IFT88: variants seen among roughly 807,000 people sequenced by gnomAD.
IFT88 encodes the protein intraflagellar transport 88.
IFT88 carries 74 observed loss-of-function variants against 119.5 expected under a neutral mutation model. The ratio of observed to expected loss-of-function variants is 0.62; its 90% CI spans 0.51 to 0.75. IFT88 has a LOEUF of 0.75. Ranked by LOEUF, IFT88 falls within the 30% of genes least tolerant of loss-of-function variation. The pLI is 0.00. For synonymous variants in IFT88, 279 were observed against 316.7 expected (o/e 0.88, Z 1.26); for missense variants, 961 against 977.7 (o/e 0.98, Z 0.23).
intron 5 of IFT88, 40 bp from the exon 6 acceptor site, chr13:20,591,578 G>T: frequency 6.8e-7 from 1 of 1,470,434 alleles, no homozygotes; most frequent in Non-Finnish European, 9.5e-7. Context: ...ATAGGAGATA[G>T]ATCTTATTTA....
intron 2 of IFT88, among the ~76,000 whole-genome samples, chr13:20,576,659 G>C (rs2037442305): frequency 6.6e-6 from 1 of 152,096 alleles, no homozygotes; most frequent in African/African-American, 2.4e-5. Context: ...TGGCACCTTT[G>C]TCAAAAATGA....
chr13:20,608,073 C>T (rs1594136432), intron 13 of IFT88: 1 of 519,678 alleles, frequency 1.9e-6, no homozygotes, highest in East Asian at 4.4e-5. Context: ...ACTATCATGG[C>T]TGCAACAATA....
intron 18 of IFT88, chr13:20,643,019 CA>C (rs35694201): frequency 0.4 from 51,663 of 128,920 alleles, 8,962 homozygotes; most frequent in Middle Eastern, 0.49. Context: ...AAGGAAGCTA[CA>C]AAAAAAAAAA....
At chr13:20,679,656 C>T (rs1240647754) in intron 24 of IFT88, among the ~76,000 whole-genome samples, 2 of 152,184 alleles carry the variant, frequency 1.3e-5, no homozygotes, top group Non-Finnish European at 2.9e-5. Context: ...TCACCCACTA[C>T]AAACAGGAAA....
intron 13 of IFT88, among the ~76,000 whole-genome samples, chr13:20,614,748 C>A (rs1037342999): frequency 6.6e-6 from 1 of 151,564 alleles, no homozygotes; most frequent in Non-Finnish European, 1.5e-5. Flanking sequence ...CTACAGTTGT[C>A]TCAAAATAAA....
intron 16 of IFT88, among the ~76,000 whole-genome samples, 180 bp from the exon 17 acceptor site, chr13:20,638,152 G>A (rs2049309942): frequency 6.6e-6 from 1 of 152,166 alleles, no homozygotes; most frequent in Admixed American, 6.5e-5. Flanking sequence ...AAACTTGGGT[G>A]GTTCAGCCTG....
At chr13:20,589,511 T>C (rs2040298085) in intron 3 of IFT88, among the ~76,000 whole-genome samples, 1 of 152,202 alleles carries the variant, frequency 6.6e-6, no homozygotes, top group Non-Finnish European at 1.5e-5. Flanking sequence ...GCAGTAATAA[T>C]TATGCAATAA....
intron 23 of IFT88, among the ~76,000 whole-genome samples, chr13:20,664,796 G>C (rs1271878604): frequency 6.6e-6 from 1 of 152,102 alleles, no homozygotes; most frequent in East Asian, 1.9e-4. Context: ...AGAAATAATA[G>C]AGACTGGGCA....
chr13:20,648,134 T>G lies in IFT88; in HGVS notation c.1949+3176T>G, dbSNP rs1379974385. Reference sequence around the variant, plus strand: ...TATCCTGGCCAAGCGTGATGGCTTATACCTGTAATCCCAGCACTTTGGAGG... The same window carrying G: ...TATCCTGGCCAAGCGTGATGGCTTAGACCTGTAATCCCAGCACTTTGGAGG... On this transcript the variant is annotated intron_variant, in intron 20 of 25. Transcript: ENST00000351808. Among the ~76,000 whole-genome samples the G allele has an allele frequency of 3.3e-5, 5 of 152,190 alleles. No homozygotes were observed. In the East Asian group the frequency reaches 9.6e-4, roughly 29 times the overall value.
At chr13:20,630,505 C>T (rs2048037650) in intron 15 of IFT88, among the ~76,000 whole-genome samples, 1 of 152,198 alleles carries the variant, frequency 6.6e-6, no homozygotes, top group Non-Finnish European at 1.5e-5. Flanking sequence ...CTGCCCACCC[C>T]ATTATGCAGA....
chr13:20,581,793 C>T (rs1019596039), intron 2 of IFT88, among the ~76,000 whole-genome samples: 6 of 146,920 alleles, frequency 4.1e-5, no homozygotes, highest in Admixed American at 1.4e-4. Context: ...GTTGAGGCTG[C>T]GGTGAGCTGT....
chr13:20,685,611 CT>C (rs956711814), intron 24 of IFT88, among the ~76,000 whole-genome samples: 1 of 152,138 alleles, frequency 6.6e-6, no homozygotes, highest in African/African-American at 2.4e-5. Context: ...TGGCTCACGC[CT>C]GTAATCCCAG....
chr13:20,607,273 C>T, intron 13 of IFT88: 2 of 425,956 alleles, frequency 4.7e-6, no homozygotes, highest in South Asian at 3.7e-5. Context: ...AGCACTTCTA[C>T]CCGTACTGCG....
intron 13 of IFT88, chr13:20,614,242 C>T (rs1375973902): frequency 6.6e-6 from 1 of 152,178 alleles, no homozygotes; most frequent in Non-Finnish European, 1.5e-5. Context: ...ATTCACCATA[C>T]TAACAAACTA....
At chr13:20,622,458 AATTTCTGGGGT>A (rs2046692838) in intron 14 of IFT88, among the ~76,000 whole-genome samples, 1 of 152,168 alleles carries the variant, frequency 6.6e-6, no homozygotes, top group Non-Finnish European at 1.5e-5. Flanking sequence ...AATAGATGAG[AATTTCTGGGGT>A]GCCACATCCT....
At chr13:20,577,297 A>G (rs9579894) in intron 2 of IFT88, among the ~76,000 whole-genome samples, 193 of 152,276 alleles carry the variant, frequency 1.3e-3, no homozygotes, top group African/African-American at 4.5e-3. Flanking sequence ...AGATCATATC[A>G]TCTATAAACT....
intron 13 of IFT88, among the ~76,000 whole-genome samples, chr13:20,609,083 T>G (rs2044012689): frequency 6.6e-6 from 1 of 152,212 alleles, no homozygotes; most frequent in Non-Finnish European, 1.5e-5. Flanking sequence ...GGGAATATTT[T>G]GTAGTTGTGT....
At chr13:20,662,486 CAG>C (rs1315862561) in intron 22 of IFT88, among the ~76,000 whole-genome samples, 1 of 152,136 alleles carries the variant, frequency 6.6e-6, no homozygotes, top group Admixed American at 6.6e-5. Flanking sequence ...CAAAGCCACA[CAG>C]AGACACAACA....
At chr13:20,581,314 G>A (rs1566066650) in intron 2 of IFT88, among the ~76,000 whole-genome samples, 4 of 152,180 alleles carry the variant, frequency 2.6e-5, no homozygotes, top group Admixed American at 6.5e-5. Context: ...TATAAGTTTG[G>A]TGTTTGTAAT....
Sources: gnomAD v4.1 joint callset for allele counts (sites outside exome capture counted in the v4.1 genomes callset) on GRCh38, gnomAD v4.1.1 for gene constraint, MANE v1.5 for transcripts, NCBI Gene and HGNC (gene_info 2026-07-23, HGNC 2026-07-21) for gene names.